AGBL1: variants seen among roughly 807,000 people sequenced by gnomAD.
AGBL1 encodes the protein cytosolic carboxypeptidase 4.
AGBL1 carries 130 observed loss-of-function variants against 118.9 expected under a neutral mutation model. That is an observed-to-expected ratio of 1.09 (90% CI 0.95 to 1.26). AGBL1 has a LOEUF of 1.26. Among genes scored for constraint, AGBL1 ranks in the 50% most tolerant of loss-of-function variants. AGBL1 has a pLI of 0.00. For missense variants in AGBL1, 1,584 were observed against 1,298.1 expected, an observed-to-expected ratio of 1.22 and a Z score of -3.38; for synonymous variants, 555 against 478.9, an observed-to-expected ratio of 1.16 and a Z score of -2.08.
intron 21 of AGBL1, among the ~76,000 whole-genome samples, chr15:86,619,506 C>T (rs565045665): frequency 3.6e-4 from 55 of 152,254 alleles, no homozygotes; most frequent in African/African-American, 1.3e-3. Context: ...TTTTGGGTGA[C>T]CTTTTTAGTT....
chr15:86,585,602 G>T (rs181777275), intron 21 of AGBL1, among the ~76,000 whole-genome samples: 1 of 152,212 alleles, frequency 6.6e-6, no homozygotes, highest in East Asian at 1.9e-4. Flanking sequence ...CTGTTCTCAG[G>T]CAATCCTCCT....
rs1320826224 is a variant in AGBL1, at chr15:86,915,764, T to G, written c.*8470T>G. The G allele has an allele frequency of 6.6e-6, 1 of 152,138 alleles. No homozygotes were observed. The highest frequency in any genetic ancestry group is 2.4e-5 in the African/African-American group (1 of 41,402). The allele number at this position is 152,138 out of a possible 1,614,324, so 9.4% of individuals were successfully genotyped here. On this transcript the variant is annotated 3_prime_UTR_variant, in exon 23 of 23. Transcript: ENST00000614907. ...ATGTGGTGGGACTTCCATAAATATG[T>G]GTTGAATGGTTGAGATCTTAATTTC...
intron 18 of AGBL1, among the ~76,000 whole-genome samples, chr15:86,410,284 T>C (rs1032144980): frequency 2.6e-5 from 4 of 152,126 alleles, no homozygotes; most frequent in Non-Finnish European, 5.9e-5. Context: ...ATCAGAACTG[T>C]AATGCAATCT....
At chr15:86,852,443 A>G (rs966629765) in intron 22 of AGBL1, among the ~76,000 whole-genome samples, 1 of 152,062 alleles carries the variant, frequency 6.6e-6, no homozygotes. Flanking sequence ...ATATCAGTCC[A>G]TTTCCTGAGA....
At chr15:86,719,985 C>A (rs2086692657) in intron 22 of AGBL1, among the ~76,000 whole-genome samples, 1 of 152,198 alleles carries the variant, frequency 6.6e-6, no homozygotes, top group African/African-American at 2.4e-5. Flanking sequence ...CTCATCTAGT[C>A]ACAAAATGTT....
intron 21 of AGBL1, among the ~76,000 whole-genome samples, chr15:86,621,553 C>G (rs1435268328): frequency 6.6e-6 from 1 of 152,146 alleles, no homozygotes; most frequent in African/African-American, 2.4e-5. Flanking sequence ...CTCTGTGTCT[C>G]TCCTCTTCTT....
chr15:86,861,813 AT>A (rs2079562654), intron 22 of AGBL1, among the ~76,000 whole-genome samples: 1 of 152,196 alleles, frequency 6.6e-6, no homozygotes, highest in South Asian at 2.1e-4. Flanking sequence ...ATTTGTATTC[AT>A]GGGTTAATTG....
chr15:86,410,837 T>TATATATATATATATATATAA (rs1324615516), intron 18 of AGBL1, among the ~76,000 whole-genome samples: 1 of 101,190 alleles, frequency 9.9e-6, no homozygotes, highest in African/African-American at 4.5e-5. Context: ...TATATATATA[T>TATATATATATATATATATAA]ATATAATATA....
In AGBL1 at chr15:86,911,061, C is replaced by T. The variant is rs75487978; in HGVS notation, c.*3767C>T. ...AAAACGTGTTCTACCAAATTCAAAG[C>T]CAAACTAAGATGACCCAAGAATTCC... On this transcript the variant is annotated 3_prime_UTR_variant, in exon 23 of 23. Transcript: ENST00000614907. 0.022 allele frequency: 3,399 copies of T among 152,362 alleles called. 73 individuals carry two copies. The highest frequency in any genetic ancestry group is 0.063 in the Admixed American group (964 of 15,294). 9.4% of individuals were successfully genotyped at this position (152,362 alleles called of 1,614,324 possible). A position where few individuals can be genotyped will look rare whatever the true frequency, so the allele number is the denominator to read the frequency against.
At chr15:86,830,110 A>C (rs565924848) in intron 22 of AGBL1, among the ~76,000 whole-genome samples, 44 of 152,248 alleles carry the variant, frequency 2.9e-4, no homozygotes, top group Non-Finnish European at 5.1e-4. Context: ...CAAATATATT[A>C]TTAATGTATT....
rs1250083052 is a variant in AGBL1, at chr15:86,420,949, A to G, written c.2555+23403A>G. Reference sequence around the variant, plus strand: ...GGAGTGAACAAATCCTCCAAGAAATATGGGACTATGTGAAAAGATCAAATC... The same window carrying G: ...GGAGTGAACAAATCCTCCAAGAAATGTGGGACTATGTGAAAAGATCAAATC... On this transcript the variant is annotated intron_variant, in intron 18 of 22. Transcript: ENST00000614907. Among the ~76,000 whole-genome samples the G allele has an allele frequency of 2.0e-5, 3 of 152,212 alleles. No individual in the cohort carries two copies. In the East Asian group the frequency reaches 5.8e-4, roughly 29 times the overall value.
intron 17 of AGBL1, among the ~76,000 whole-genome samples, chr15:86,326,227 C>T (rs764788300): frequency 3.8e-4 from 57 of 151,944 alleles, no homozygotes; most frequent in Non-Finnish European, 7.1e-4. Context: ...GTCTCATAGA[C>T]ATAATGTATA....
chr15:86,385,147 C>T (rs865887285), intron 17 of AGBL1, among the ~76,000 whole-genome samples: 1 of 152,056 alleles, frequency 6.6e-6, no homozygotes, highest in African/African-American at 2.4e-5. Context: ...TAACTTAGCA[C>T]CAAAAAGTCT....
intron 22 of AGBL1, among the ~76,000 whole-genome samples, chr15:86,860,397 T>C (rs950207665): frequency 2.0e-5 from 3 of 151,234 alleles, no homozygotes; most frequent in African/African-American, 7.3e-5. Flanking sequence ...TTTCTCTTTT[T>C]CTCCTGGAAT....
At chr15:86,348,769 C>T (rs138819041) in intron 17 of AGBL1, among the ~76,000 whole-genome samples, 1 of 122,564 alleles carries the variant, frequency 8.2e-6, no homozygotes, top group Non-Finnish European at 1.7e-5. Flanking sequence ...CAGAGCGCGA[C>T]TGTCTCAAAA....
intron 20 of AGBL1, among the ~76,000 whole-genome samples, chr15:86,551,707 CTG>C (rs983657233): frequency 6.6e-6 from 1 of 152,132 alleles, no homozygotes; most frequent in Non-Finnish European, 1.5e-5. Flanking sequence ...TTTATGAGGT[CTG>C]TGTTATCCTG....
intron 17 of AGBL1, among the ~76,000 whole-genome samples, chr15:86,376,590 A>T (rs1294494481): frequency 6.6e-6 from 1 of 152,234 alleles, no homozygotes; most frequent in Non-Finnish European, 1.5e-5. Flanking sequence ...AAGCTCATCC[A>T]GTCCTTGTAT....
chr15:86,845,287 G>C (rs910914053), intron 22 of AGBL1, among the ~76,000 whole-genome samples: 1 of 152,016 alleles, frequency 6.6e-6, no homozygotes, highest in Non-Finnish European at 1.5e-5. Flanking sequence ...ATGAATAAGG[G>C]TGGTTAATTT....
chr15:86,972,934 G>A (rs998117693), intron 23 of AGBL1, among the ~76,000 whole-genome samples: 7 of 151,974 alleles, frequency 4.6e-5, no homozygotes, highest in Non-Finnish European at 8.8e-5. Context: ...GTAGCCATCT[G>A]CTTCTTTCAT....
Sources: gnomAD v4.1 joint callset for allele counts (sites outside exome capture counted in the v4.1 genomes callset) on GRCh38, gnomAD v4.1.1 for gene constraint, MANE v1.5 for transcripts, NCBI Gene and HGNC (gene_info 2026-07-23, HGNC 2026-07-21) for gene names.